NAA60: variants seen among roughly 807,000 people sequenced by gnomAD.
The protein encoded by NAA60 is N-alpha-acetyltransferase 60, NatF catalytic subunit, also known as N-alpha-acetyltransferase 60.
NAA60 carries 8 observed loss-of-function variants against 26.1 expected under a neutral mutation model. The ratio of observed to expected loss-of-function variants is 0.31; its 90% CI spans 0.18 to 0.55. The LOEUF (loss-of-function observed/expected upper bound fraction) is 0.55, where lower values mean the gene tolerates loss of function less well. NAA60 is among the 20% of genes least tolerant of loss of function. The pLI, the probability that NAA60 is intolerant of heterozygous loss-of-function variation, is 0.93. For synonymous variants in NAA60, 131 were observed against 122.5 expected (o/e 1.07, Z -0.46); for missense variants, 290 against 311.3 (o/e 0.93, Z 0.51).
chr16:3,458,008 C>G, intron 2 of NAA60: 1 of 985,326 alleles, frequency 1.0e-6, no homozygotes, highest in South Asian at 4.7e-5. Context: ...GCTGCGCTGC[C>G]GGCAGGGAGC....
At chr16:3,478,136 T>G (rs2036601656) in intron 3 of NAA60, among the ~76,000 whole-genome samples, 1 of 152,162 alleles carries the variant, frequency 6.6e-6, no homozygotes, top group South Asian at 2.1e-4. Context: ...CTCGGGAGGC[T>G]GAGGCAGGAG....
intron 5 of NAA60, 65 bp from the exon 6 acceptor site, chr16:3,483,298 C>A: frequency 8.1e-7 from 1 of 1,229,008 alleles, no homozygotes; most frequent in Non-Finnish European, 1.2e-6. Flanking sequence ...AAGCCCCCAT[C>A]CTAGCCCAGT....
chr16:3,472,470 G>C (rs899542030), intron 2 of NAA60: 1 of 152,200 alleles, frequency 6.6e-6, no homozygotes, highest in Admixed American at 6.5e-5. Context: ...ACGCTGGAGT[G>C]CAGTGGCACA....
intron 2 of NAA60, among the ~76,000 whole-genome samples, chr16:3,452,893 T>C (rs749474103): frequency 3.3e-5 from 5 of 152,084 alleles, no homozygotes; most frequent in African/African-American, 4.8e-5. Flanking sequence ...AGGTCGACAC[T>C]GCAGTAAGCC....
At chr16:3,477,747 T>C (rs2036570815) in intron 3 of NAA60, among the ~76,000 whole-genome samples, 1 of 148,178 alleles carries the variant, frequency 6.7e-6, no homozygotes, top group Non-Finnish European at 1.5e-5. Context: ...CTGGCCAACA[T>C]GGTGAAACCT....
intron 2 of NAA60, among the ~76,000 whole-genome samples, chr16:3,460,403 GC>G (rs1221694756): frequency 3.3e-5 from 5 of 152,098 alleles, no homozygotes; most frequent in African/African-American, 1.2e-4. Flanking sequence ...TCACTCTGTC[GC>G]CCAGGCTAGA....
intron 2 of NAA60, among the ~76,000 whole-genome samples, chr16:3,452,679 G>C (rs940296997): frequency 3.3e-5 from 5 of 151,428 alleles, no homozygotes; most frequent in African/African-American, 1.2e-4. Context: ...ATGCTTGGTT[G>C]AGCATGGTGG....
chr16:3,480,479 C>G (rs2036756373), intron 4 of NAA60, among the ~76,000 whole-genome samples: 1 of 151,352 alleles, frequency 6.6e-6, no homozygotes, highest in Non-Finnish European at 1.5e-5. Context: ...CGCCTATAAT[C>G]CCAGCTATTT....
At chr16:3,459,125 T>C (rs1474140838) in intron 2 of NAA60, among the ~76,000 whole-genome samples, 1 of 152,210 alleles carries the variant, frequency 6.6e-6, no homozygotes, top group Non-Finnish European at 1.5e-5. Context: ...TTCGCTTTGG[T>C]ATCTGGAGTG....
rs534432083 is a variant in NAA60, at chr16:3,451,832, C to T, written c.-7+3292C>T. ...ACTCGGGAGGCTAAGGCAGCGGAAT[C>T]ACTTGAGCCCAGGAGGCAGAAATTG... On this transcript the variant is annotated intron_variant, in intron 2 of 7. Coordinates refer to ENST00000407558, the MANE Select transcript of NAA60 (RefSeq NM_001083601.3). 5.9e-5 allele frequency among the ~76,000 whole-genome samples: 9 copies of T among 152,074 alleles called. No homozygotes were observed. In the South Asian group the frequency reaches 1.9e-3, roughly 32 times the overall value.
intron 2 of NAA60, chr16:3,449,052 A>T (rs1229431465): frequency 1.3e-5 from 2 of 152,408 alleles, no homozygotes; most frequent in East Asian, 3.8e-4. Flanking sequence ...TTTGTTAAAA[A>T]TTTATTTTTC....
At chr16:3,461,935 A>C (rs1474366024) in intron 2 of NAA60, among the ~76,000 whole-genome samples, 1 of 151,992 alleles carries the variant, frequency 6.6e-6, no homozygotes, top group African/African-American at 2.4e-5. Flanking sequence ...AAAAATACAG[A>C]AATTAGCCAG....
intron 1 of NAA60, among the ~76,000 whole-genome samples, chr16:3,447,785 G>C (rs2034614145): frequency 6.6e-6 from 1 of 152,164 alleles, no homozygotes; most frequent in Non-Finnish European, 1.5e-5. Context: ...ACACAGTTTT[G>C]AAATTAGCAC....
In NAA60 at chr16:3,485,639, A is replaced by T. The variant is rs2037113878; in HGVS notation, c.*379A>T. On this transcript the variant is annotated 3_prime_UTR_variant, in exon 8 of 8. Coordinates refer to ENST00000407558, the MANE Select transcript of NAA60 (RefSeq NM_001083601.3). The stretch of plus-strand genomic sequence containing the variant: ...GCCTGTTCTTGCAGCTCCTTCCTGG[A>T]AAGCTGGAGGGGACTTTCTCCTGCA... 1 of 456,550 alleles carries T rather than the reference A, an allele frequency of 2.2e-6. No individual in the cohort carries two copies. Among genetic ancestry groups the T allele is most frequent in the Non-Finnish European group, 4.4e-6 (1 of 226,970 alleles). 28.3% of individuals were successfully genotyped at this position (456,550 alleles called of 1,614,324 possible). A position where few individuals can be genotyped will look rare whatever the true frequency, so the allele number is the denominator to read the frequency against.
chr16:3,464,587 AACAG>A (rs1422083027), intron 2 of NAA60, among the ~76,000 whole-genome samples: 4 of 152,146 alleles, frequency 2.6e-5, no homozygotes, highest in Non-Finnish European at 5.9e-5. Flanking sequence ...TCTCTCCGAG[AACAG>A]ACAGATTCTT....
At chr16:3,484,669 A>G (rs1334010405) in intron 6 of NAA60, 30 bp from the exon 7 acceptor site, 2 of 1,569,038 alleles carry the variant, frequency 1.3e-6, no homozygotes, top group Non-Finnish European at 1.7e-6. Flanking sequence ...TGGTCAGGGC[A>G]AGTCGGAATC....
intron 2 of NAA60, chr16:3,458,248 C>T (rs1283680005): frequency 6.9e-6 from 2 of 290,250 alleles, no homozygotes; most frequent in Non-Finnish European, 1.0e-5. Context: ...GCGGGGTAGG[C>T]GGGGAGGCCG....
At chr16:3,461,064 C>G (rs2035360529) in intron 2 of NAA60, among the ~76,000 whole-genome samples, 1 of 151,866 alleles carries the variant, frequency 6.6e-6, no homozygotes, top group Non-Finnish European at 1.5e-5. Flanking sequence ...TTGCCAGGCT[C>G]TATATCATTC....
chr16:3,450,032 A>C (rs2034713014), intron 2 of NAA60: 1 of 361,386 alleles, frequency 2.8e-6, no homozygotes, highest in Admixed American at 5.3e-5. Flanking sequence ...CATCGTCTCA[A>C]AAAAAGAGAA....
Sources: gnomAD v4.1 joint callset for allele counts (sites outside exome capture counted in the v4.1 genomes callset) on GRCh38, gnomAD v4.1.1 for gene constraint, MANE v1.5 for transcripts, NCBI Gene and HGNC (gene_info 2026-07-23, HGNC 2026-07-21) for gene names.